BRWD3: variants seen among roughly 807,000 people sequenced by gnomAD.
The protein encoded by BRWD3 is bromodomain and WD repeat domain containing 3, also known as bromodomain and WD repeat-containing protein 3.
BRWD3 carries 10 observed loss-of-function variants against 149.7 expected under a neutral mutation model. That is an observed-to-expected ratio of 0.07 (90% CI 0.04 to 0.11). The LOEUF (loss-of-function observed/expected upper bound fraction) is 0.11. Ranked by LOEUF, BRWD3 falls within the 10% of genes least tolerant of loss-of-function variation. BRWD3 has a pLI of 1.00. For synonymous variants in BRWD3, 504 were observed against 456.7 expected (o/e 1.10, Z -1.32); for missense variants, 940 against 1,373.2 (o/e 0.68, Z 4.99).
rs145526845 is a variant in BRWD3, at chrX:80,707,444, T to C, written c.2535A>G (p.Gln845=). Residue 845 remains glutamine (Q), a synonymous_variant, in exon 22 of 41, where the codon CAA becomes CAG. Transcript: ENST00000373275. ...ASVEDPVVEW[Q]SESSSSDSSS... ...AAAACTACCTGGAAGAACTTTCACT[T>C]TGCCATTCAACAACAGGATCCTCTA... 2.1e-5 allele frequency: 26 copies of C among 1,209,787 alleles called. No individual in the cohort carries two copies. Among genetic ancestry groups the C allele is most frequent in the Middle Eastern group, 2.3e-4 (1 of 4,372 alleles).
chrX:80,672,041 T>C lies in BRWD3; in HGVS notation c.*4568A>G, dbSNP rs1456100109. On this transcript the variant is annotated 3_prime_UTR_variant, in exon 41 of 41. Coordinates refer to ENST00000373275, the MANE Select transcript of BRWD3 (RefSeq NM_153252.5). Reference sequence around the variant, plus strand: ...TTACCAATGGTGGTTTCATTATGTATCAATAGTCTTATTTTTTAAGAAAAT... The same window carrying C: ...TTACCAATGGTGGTTTCATTATGTACCAATAGTCTTATTTTTTAAGAAAAT... 9.0e-6 allele frequency: 1 copy of C among 111,710 alleles called. No homozygotes were observed. The highest frequency in any genetic ancestry group is 1.9e-5 in the Non-Finnish European group (1 of 53,163). 9.2% of individuals were successfully genotyped at this position (111,710 alleles called of 1,213,427 possible). A position where few individuals can be genotyped will look rare whatever the true frequency, so the allele number is the denominator to read the frequency against.
chrX:80,740,480 C>T (rs2073469519), intron 8 of BRWD3, among the ~76,000 whole-genome samples: 1 of 112,451 alleles, frequency 8.9e-6, no homozygotes, highest in Non-Finnish European at 1.9e-5. Flanking sequence ...CAGTGGCTCA[C>T]GTGCCTGTAA....
intron 4 of BRWD3, among the ~76,000 whole-genome samples, chrX:80,807,770 C>T (rs1312662088): frequency 7.2e-5 from 8 of 111,637 alleles, no homozygotes; most frequent in Non-Finnish European, 1.5e-4. Flanking sequence ...TAAATATGTC[C>T]ATTGTTGTCT....
At chrX:80,709,990 A>G in intron 20 of BRWD3, 2 of 1,132,035 alleles carry the variant, frequency 1.8e-6, no homozygotes, top group South Asian at 3.6e-5. Context: ...CTGAATATGC[A>G]ATGGAAGCTG....
chrX:80,670,668 C>G lies in BRWD3; in HGVS notation c.*5941G>C, dbSNP rs1242009836. 9.0e-6 allele frequency among the ~76,000 whole-genome samples: 1 copy of G among 111,065 alleles called. No individual in the cohort carries two copies. The highest frequency in any genetic ancestry group is 1.9e-5 in the Non-Finnish European group (1 of 53,046). The stretch of plus-strand genomic sequence containing the variant: ...CTCCTGGGCTCAAATAATCCTCCCA[C>G]CATGGCTTCCCAAAATGCTGAGATT... On this transcript the variant is annotated 3_prime_UTR_variant, in exon 41 of 41. Transcript: ENST00000373275.
rs1401708063 is a variant in BRWD3, at chrX:80,809,007, C to A, written c.120+6G>T. ...CCTCCCCACCCTTCCCGAAGGGGCTCCGTACCTGATGCTCCTCGAGCTCCT... is the reference window on the plus strand; with the variant it reads ...CCTCCCCACCCTTCCCGAAGGGGCTACGTACCTGATGCTCCTCGAGCTCCT... On this transcript the variant is annotated splice_donor_region_variant and intron_variant, in intron 3 of 40. Transcript: ENST00000373275. The A allele has an allele frequency of 1.7e-6, 2 of 1,195,922 alleles. No homozygotes were observed. The highest frequency in any genetic ancestry group is 1.8e-5 in the African/African-American group (1 of 56,488).
In BRWD3 at chrX:80,795,702, G is replaced by A. The variant is rs764679530; in HGVS notation, c.181-1930C>T. 6.4e-5 allele frequency among the ~76,000 whole-genome samples: 7 copies of A among 108,978 alleles called. No homozygotes were observed. In the East Asian group the frequency reaches 1.2e-3, roughly 18 times the overall value. The allele number at this position is 108,978 out of a possible 115,157, so 94.6% of individuals were successfully genotyped here. ...TTGAGACCAGCCTGGGCAACATAGC[G>A]AGATCTCATCCCTACAAAAAATGTA... On this transcript the variant is annotated intron_variant, in intron 4 of 40. Coordinates refer to ENST00000373275, the MANE Select transcript of BRWD3 (RefSeq NM_153252.5).
In BRWD3 at chrX:80,674,383, T is replaced by G. The variant is rs2072346263; in HGVS notation, c.*2226A>C. On this transcript the variant is annotated 3_prime_UTR_variant, in exon 41 of 41. Transcript: ENST00000373275. ...ACACAAATGTCAATTCTTCTACATT[T>G]CAAGAGGTCAGCTCTTCATAGAAGA... The G allele has an allele frequency of 9.0e-6, 1 of 111,532 alleles. No individual in the cohort carries two copies. Among genetic ancestry groups the G allele is most frequent in the South Asian group, 3.7e-4 (1 of 2,697 alleles). 9.2% of individuals were successfully genotyped at this position (111,532 alleles called of 1,213,427 possible).
intron 4 of BRWD3, among the ~76,000 whole-genome samples, chrX:80,805,895 A>T (rs771919466): frequency 8.9e-6 from 1 of 111,794 alleles, no homozygotes; most frequent in East Asian, 2.8e-4. Flanking sequence ...AGATCCCGCC[A>T]CTGCACTCCA....
chrX:80,770,476 T>C (rs1170403014), intron 6 of BRWD3, among the ~76,000 whole-genome samples: 1 of 111,487 alleles, frequency 9.0e-6, no homozygotes, highest in Non-Finnish European at 1.9e-5. Context: ...TAATCCAGCA[T>C]ATAAACAGAA....
intron 22 of BRWD3, 79 bp from the exon 23 acceptor site, chrX:80,704,925 A>G (rs1198740496): frequency 1.0e-6 from 1 of 968,708 alleles, no homozygotes; most frequent in Non-Finnish European, 1.5e-6. Flanking sequence ...ATCATTCTGT[A>G]AGCAAACAGC....
chrX:80,791,028 T>C (rs1187773995), intron 6 of BRWD3, among the ~76,000 whole-genome samples: 1 of 112,185 alleles, frequency 8.9e-6, no homozygotes, highest in Non-Finnish European at 1.9e-5. Flanking sequence ...GTCCTATGTA[T>C]GTCTAATCAA....
intron 6 of BRWD3, among the ~76,000 whole-genome samples, chrX:80,781,840 A>C (rs2074060396): frequency 9.0e-6 from 1 of 111,070 alleles, no homozygotes; most frequent in Non-Finnish European, 1.9e-5. Flanking sequence ...ACTATAAAAC[A>C]CTGATGAAAG....
At chrX:80,767,440 C>T (rs1438884462) in intron 6 of BRWD3, among the ~76,000 whole-genome samples, 1 of 111,359 alleles carries the variant, frequency 9.0e-6, no homozygotes, top group East Asian at 2.8e-4. Flanking sequence ...CTCCAGCAAA[C>T]ACCAACAGAC....
intron 24 of BRWD3, among the ~76,000 whole-genome samples, chrX:80,701,904 A>G (rs1409718024): frequency 1.8e-5 from 2 of 111,294 alleles, no homozygotes; most frequent in African/African-American, 6.5e-5. Context: ...ATGTAGATAT[A>G]TAACTATAAT....
chrX:80,808,918 G>T, intron 3 of BRWD3, 95 bp downstream of exon 3: 2 of 981,697 alleles, frequency 2.0e-6, no homozygotes, highest in East Asian at 3.3e-5. Flanking sequence ...CCAGATCGAA[G>T]CCTCTATCCC....
At chrX:80,761,144 T>C (rs1284409908) in intron 6 of BRWD3, among the ~76,000 whole-genome samples, 2 of 111,794 alleles carry the variant, frequency 1.8e-5, no homozygotes, top group Non-Finnish European at 1.9e-5. Flanking sequence ...TTAATAACAA[T>C]GAATCCAAAT....
rs1388371029 is a variant in BRWD3, at chrX:80,679,247, GTGGT to G, written c.4655-1888_4655-1885del. Among the ~76,000 whole-genome samples the G allele has an allele frequency of 8.1e-5, 9 of 111,743 alleles. No individual in the cohort carries two copies. In the Admixed American group the frequency reaches 8.6e-4, roughly 11 times the overall value. On this transcript the variant is annotated intron_variant, in intron 40 of 40. Coordinates refer to ENST00000373275, the MANE Select transcript of BRWD3 (RefSeq NM_153252.5). ...AGTAGAAACTATATAGAAGATTTAA[GTGGT>G]ATTAAAGAGTTGTGGAATCCACAAA... is the stretch of plus-strand genomic sequence containing the variant.
At position 80,723,744 on chromosome X, in the gene BRWD3, T is replaced by C; in HGVS notation, c.1650+4A>G. On this transcript the variant is annotated splice_donor_region_variant and intron_variant, in intron 16 of 40. Transcript: ENST00000373275. ...ACTCTACAGCAAAATTTAAATATGC[T>C]AACCTTTTCGTAGTATTTACTGCAT... 8.3e-7 allele frequency: 1 copy of C among 1,210,499 alleles called. No homozygotes were observed. Among genetic ancestry groups the C allele is most frequent in the Non-Finnish European group, 1.1e-6 (1 of 894,393 alleles).
Sources: allele counts gnomAD v4.1 joint callset (sites outside exome capture counted in the v4.1 genomes callset), GRCh38; gene constraint gnomAD v4.1.1; transcripts MANE v1.5; gene names NCBI Gene and HGNC (gene_info 2026-07-23, HGNC 2026-07-21).